The following RBPJ variants were observed in gnomAD, a reference collection of about 807,000 sequenced individuals.
The protein encoded by RBPJ is recombination signal binding protein for immunoglobulin kappa J region, also known as recombining binding protein suppressor of hairless.
A neutral mutation model predicts 67.8 loss-of-function variants in RBPJ; 9 were observed. The ratio of observed to expected loss-of-function variants is 0.13; its 90% CI spans 0.08 to 0.23. RBPJ has a LOEUF of 0.23. Among genes scored for constraint, RBPJ ranks in the 10% least tolerant of loss-of-function variants. The pLI is 1.00. For missense variants in RBPJ, 305 were observed against 595.6 expected (o/e 0.51, Z 5.08); for synonymous variants, 198 against 203.3 (o/e 0.97, Z 0.22).
At chr4:26,321,206 C>G (rs1012441214) in intron 1 of RBPJ, among the ~76,000 whole-genome samples, 158 bp downstream of exon 1, 1 of 146,048 alleles carries the variant, frequency 6.8e-6, no homozygotes, top group African/African-American at 2.5e-5. Context: ...CGGCGTGTGG[C>G]CGTGCGCTGC....
intron 1 of RBPJ, among the ~76,000 whole-genome samples, chr4:26,326,061 A>C (rs1723598395): frequency 6.6e-6 from 1 of 152,176 alleles, no homozygotes; most frequent in Admixed American, 6.5e-5. Context: ...AGACTCAGCA[A>C]AAAGAATTTT....
intron 1 of RBPJ, among the ~76,000 whole-genome samples, chr4:26,233,267 C>A (rs1043658009): frequency 1.6e-4 from 24 of 152,174 alleles, no homozygotes; most frequent in African/African-American, 5.8e-4. Flanking sequence ...AAATGATTAT[C>A]TCCACATTAT....
the RBPJ span, among the ~76,000 whole-genome samples, chr4:26,149,884 C>G: frequency 6.6e-6 from 1 of 152,230 alleles, no homozygotes; most frequent in Non-Finnish European, 1.5e-5. Context: ...TCCAGGTTTG[C>G]CAGCTTTACC....
rs1181480290 is a variant in RBPJ, at chr4:26,215,029, AAAAG to A, written c.-167+51421_-167+51424del. Among the ~76,000 whole-genome samples, 2 of 73,086 alleles carry A rather than the reference AAAAG, an allele frequency of 2.7e-5. 1 individual carries two copies. Among genetic ancestry groups the A allele is most frequent in the Non-Finnish European group, 5.7e-5 (2 of 35,076 alleles). 47.9% of individuals were successfully genotyped at this position (73,086 alleles called of 152,430 possible). A position where few individuals can be genotyped will look rare whatever the true frequency, so the allele number is the denominator to read the frequency against. ...GAAGGAAGGAGAGAAAGAAAGAAAG[AAAAG>A]AAAGAGGGAGGGAGGGAAGAGAGAG... On this transcript the variant is annotated intron_variant, in intron 1 of 4. Transcript: ENST00000512351.
intron 1 of RBPJ, among the ~76,000 whole-genome samples, chr4:26,334,460 A>G (rs899637958): frequency 2.6e-5 from 4 of 151,876 alleles, no homozygotes; most frequent in African/African-American, 9.7e-5. Context: ...AAGTTACTTA[A>G]TTGCATTGCA....
chr4:26,190,038 TC>T lies in RBPJ; in HGVS notation c.-167+26425del, dbSNP rs1195506021. On this transcript the variant is annotated intron_variant, in intron 1 of 4. Transcript: ENST00000512351. ...AAATGGATTATACAATACCTGTGCA[TC>T]AGATAATAATGGTCAATATTTAATG... is the stretch of plus-strand genomic sequence containing the variant. Among the ~76,000 whole-genome samples the T allele has an allele frequency of 2.0e-5, 3 of 152,184 alleles. 1 individual carries two copies. The highest frequency in any genetic ancestry group is 7.2e-5 in the African/African-American group (3 of 41,440).
At chr4:26,394,059 C>T (rs1164276516) in intron 2 of RBPJ, among the ~76,000 whole-genome samples, 2 of 146,996 alleles carry the variant, frequency 1.4e-5, no homozygotes. Flanking sequence ...TGGAGTCTCA[C>T]TCTGTTGCCC....
At chr4:26,358,508 C>T (rs1008934851) in intron 1 of RBPJ, among the ~76,000 whole-genome samples, 1 of 151,284 alleles carries the variant, frequency 6.6e-6, no homozygotes, top group East Asian at 1.9e-4. Flanking sequence ...GGTGCAGTGC[C>T]TCATGCCTAT....
At chr4:26,170,165 G>A (rs909752453) in intron 1 of RBPJ, among the ~76,000 whole-genome samples, 13 of 152,106 alleles carry the variant, frequency 8.5e-5, no homozygotes, top group South Asian at 2.1e-4. Flanking sequence ...CGTCTTCTGC[G>A]TCGCTCACAC....
chr4:26,124,430 A>C, the RBPJ span, among the ~76,000 whole-genome samples: 1 of 78,110 alleles, frequency 1.3e-5, no homozygotes, highest in African/African-American at 5.4e-5. Context: ...ATATATATAT[A>C]TATATATATA....
At chr4:26,314,453 A>C (rs1429929606) in intron 1 of RBPJ, among the ~76,000 whole-genome samples, 2 of 152,152 alleles carry the variant, frequency 1.3e-5, no homozygotes, top group Non-Finnish European at 2.9e-5. Context: ...CCCAAATCTT[A>C]GGTCAAATTG....
At chr4:26,156,566 C>G in the RBPJ span, among the ~76,000 whole-genome samples, 1 of 151,532 alleles carries the variant, frequency 6.6e-6, no homozygotes, top group Non-Finnish European at 1.5e-5. Context: ...TCACAGGTGC[C>G]CACCACTCAT....
chr4:26,354,739 A>G (rs546586421), intron 1 of RBPJ, among the ~76,000 whole-genome samples: 18 of 152,280 alleles, frequency 1.2e-4, no homozygotes, highest in African/African-American at 2.9e-4. Context: ...CATGAGCCAC[A>G]TGCCTGGCCG....
chr4:26,217,218 T>C (rs1255311592), intron 1 of RBPJ, among the ~76,000 whole-genome samples: 1 of 152,208 alleles, frequency 6.6e-6, no homozygotes, highest in Non-Finnish European at 1.5e-5. Context: ...TAATGTGGCC[T>C]GGTAAAACCA....
intron 1 of RBPJ, among the ~76,000 whole-genome samples, chr4:26,269,668 T>C (rs1720815918): frequency 6.6e-6 from 1 of 152,162 alleles, no homozygotes; most frequent in Non-Finnish European, 1.5e-5. Flanking sequence ...TCTCAATTCA[T>C]TCTTACAGCC....
At chr4:26,372,584 G>T (rs186024626) in intron 1 of RBPJ, among the ~76,000 whole-genome samples, 78 of 152,196 alleles carry the variant, frequency 5.1e-4, no homozygotes, top group Admixed American at 5.1e-3. Flanking sequence ...TGAAAATCGT[G>T]TCCACTTCCT....
intron 2 of RBPJ, among the ~76,000 whole-genome samples, chr4:26,393,521 C>A (rs1294330644): frequency 6.6e-6 from 1 of 152,062 alleles, no homozygotes; most frequent in East Asian, 1.9e-4. Flanking sequence ...ACTACAGGTG[C>A]ACACAACCAT....
rs754333801 is a variant in RBPJ at position 26,272,669 on chromosome 4, G to C, written c.-166-89777G>C. Reference sequence around the variant, plus strand: ...ATTTTGTCTTCATTTTTTCCAAAGTGATTCATTCTTCCTGGTTCTTGAACA... The same window carrying C: ...ATTTTGTCTTCATTTTTTCCAAAGTCATTCATTCTTCCTGGTTCTTGAACA... On this transcript the variant is annotated intron_variant, in intron 1 of 4. Transcript: ENST00000512351. 13 of 451,984 alleles carry C rather than the reference G, an allele frequency of 2.9e-5. 1 individual carries two copies. The highest frequency in any genetic ancestry group is 1.2e-4 in the South Asian group (8 of 64,018). 28.0% of individuals were successfully genotyped at this position (451,984 alleles called of 1,614,324 possible).
the RBPJ span, among the ~76,000 whole-genome samples, chr4:26,122,728 A>G: frequency 6.6e-6 from 1 of 152,186 alleles, no homozygotes; most frequent in African/African-American, 2.4e-5. Context: ...AGTAGGATCT[A>G]GTAGGAACTG....
Sources: allele counts gnomAD v4.1 joint callset (sites outside exome capture counted in the v4.1 genomes callset), GRCh38; gene constraint gnomAD v4.1.1; transcripts MANE v1.5; gene names NCBI Gene and HGNC (gene_info 2026-07-23, HGNC 2026-07-21).